The following SRR variants were observed in gnomAD, a reference collection of about 807,000 sequenced individuals.
The protein encoded by SRR is D-serine ammonia-lyase.
In SRR, 19 loss-of-function variants were observed where a neutral mutation model predicts 32.7. The observed-to-expected ratio is 0.58, with a 90% CI of 0.40 to 0.85. The LOEUF (loss-of-function observed/expected upper bound fraction) is 0.85. Ranked by LOEUF, SRR falls within the 40% of genes least tolerant of loss-of-function variation. SRR has a pLI of 0.00. For missense variants in SRR, 373 were observed against 404.7 expected, an observed-to-expected ratio of 0.92 and a Z score of 0.67; for synonymous variants, 142 against 140.9, an observed-to-expected ratio of 1.01 and a Z score of -0.06.
intron 3 of SRR, 107 bp downstream of exon 3, chr17:2,318,103 A>C: frequency 5.5e-6 from 7 of 1,279,706 alleles, no homozygotes; most frequent in Non-Finnish European, 7.4e-6. Context: ...TTCCAAAGAA[A>C]TCTCTATCTG....
upstream of SRR, chr17:2,303,530 G>A: frequency 2.2e-6 from 3 of 1,339,120 alleles, no homozygotes; most frequent in Non-Finnish European, 2.9e-6. Flanking sequence ...GGGGGAAGGG[G>A]CGGGGGCTCC....
chr17:2,320,334 C>T (rs906220268), intron 4 of SRR, among the ~76,000 whole-genome samples: 19 of 143,718 alleles, frequency 1.3e-4, no homozygotes, highest in African/African-American at 3.4e-4. Context: ...CGGCTCACTG[C>T]AACCTCCGCC....
At chr17:2,312,525 G>A (rs562705707) in intron 1 of SRR, among the ~76,000 whole-genome samples, 8 of 152,198 alleles carry the variant, frequency 5.3e-5, no homozygotes, top group Admixed American at 2.0e-4. Flanking sequence ...AACCTGGGAG[G>A]TGGAGGTTGC....
chr17:2,324,676 C>T lies in SRR; in HGVS notation c.*803C>T. The T allele has an allele frequency of 6.2e-7, 1 of 1,614,068 alleles. No individual in the cohort carries two copies. Among genetic ancestry groups the T allele is most frequent in the Admixed American group, 1.7e-5 (1 of 60,022 alleles). On this transcript the variant is annotated 3_prime_UTR_variant, in exon 8 of 8. Coordinates refer to ENST00000344595, the MANE Select transcript of SRR (RefSeq NM_021947.3). ...AAAGGCAATCAGATCCCATCCTCCT[C>T]CTTCATACCCACCTCTGTTGAAGAA...
At position 2,324,278 on chromosome 17, in the gene SRR, G is replaced by C. The variant is rs141644586; in HGVS notation, c.*405G>C. 6.4e-7 allele frequency: 1 copy of C among 1,555,294 alleles called. No homozygotes were observed. The highest frequency in any genetic ancestry group is 1.4e-5 in the African/African-American group (1 of 72,598). On this transcript the variant is annotated 3_prime_UTR_variant, in exon 8 of 8. Coordinates refer to ENST00000344595, the MANE Select transcript of SRR (RefSeq NM_021947.3). Reference sequence around the variant, plus strand: ...TGGTTCTGGTACATATGGATCATAAGTCCATTTGGGGAAGACTCGTTTATA... The same window carrying C: ...TGGTTCTGGTACATATGGATCATAACTCCATTTGGGGAAGACTCGTTTATA...
chr17:2,316,079 G>C (rs2075470454), intron 2 of SRR, among the ~76,000 whole-genome samples: 1 of 152,040 alleles, frequency 6.6e-6, no homozygotes. Flanking sequence ...GGTGGTCCTT[G>C]GTCCCATAAG....
chr17:2,324,335 A>C lies in SRR; in HGVS notation c.*462A>C, dbSNP rs201986401. 3.8e-4 allele frequency: 592 copies of C among 1,564,064 alleles called. No homozygotes were observed. The highest frequency in any genetic ancestry group is 4.5e-4 in the Non-Finnish European group (517 of 1,158,828). ...CATCAGTACTGTGTCTTGAGATTTT[A>C]GCTTCCCATCAAAGCTGCATTTCAT... On this transcript the variant is annotated 3_prime_UTR_variant, in exon 8 of 8. Coordinates refer to ENST00000344595, the MANE Select transcript of SRR (RefSeq NM_021947.3).
intron 4 of SRR, 49 bp downstream of exon 4, chr17:2,318,978 A>G (rs748223026): frequency 1.6e-5 from 21 of 1,322,390 alleles, no homozygotes; most frequent in East Asian, 1.2e-4. Flanking sequence ...CATTTGACCA[A>G]TGGCTCTTTC....
At chr17:2,320,255 T>TC (rs2075515225) in intron 4 of SRR, among the ~76,000 whole-genome samples, 1 of 139,920 alleles carries the variant, frequency 7.1e-6, no homozygotes, top group Admixed American at 7.7e-5. Context: ...TCTCATCTTT[T>TC]TTTTTTTTTT....
chr17:2,310,403 A>G (rs1479779368), intron 1 of SRR, among the ~76,000 whole-genome samples: 1 of 152,006 alleles, frequency 6.6e-6, no homozygotes, highest in African/African-American at 2.4e-5. Context: ...TTTGGTAGAG[A>G]TAGGGTTTCA....
intron 4 of SRR, among the ~76,000 whole-genome samples, chr17:2,320,077 C>CA (rs2075513099): frequency 6.6e-6 from 1 of 151,822 alleles, no homozygotes; most frequent in Admixed American, 6.6e-5. Flanking sequence ...CTCGGCCTCC[C>CA]AAAGTGCTGG....
At chr17:2,318,017 C>T (rs1193836978) in intron 3 of SRR, 21 bp downstream of exon 3, 1 of 1,582,848 alleles carries the variant, frequency 6.3e-7, no homozygotes. Context: ...TCTCAAGGTA[C>T]TGGGTAGATC....
chr17:2,311,358 C>T (rs971458510), intron 1 of SRR, among the ~76,000 whole-genome samples: 2 of 151,762 alleles, frequency 1.3e-5, no homozygotes, highest in Non-Finnish European at 2.9e-5. Flanking sequence ...TTTTCGGGCC[C>T]GTCATGGTGG....
chr17:2,315,240 CAAAA>C (rs397856755), intron 1 of SRR: 49 of 61,302 alleles, frequency 8.0e-4, no homozygotes, highest in Non-Finnish European at 1.1e-3. Context: ...GACTCCGTCT[CAAAA>C]AAAAAAAAAA....
At chr17:2,310,720 A>G (rs544073332) in intron 1 of SRR, among the ~76,000 whole-genome samples, 3 of 151,926 alleles carry the variant, frequency 2.0e-5, no homozygotes, top group Non-Finnish European at 4.4e-5. Context: ...CTGGGACTAC[A>G]GGCAAATGCC....
upstream of SRR, chr17:2,303,654 C>A: frequency 1.3e-6 from 2 of 1,489,686 alleles, no homozygotes; most frequent in South Asian, 2.5e-5. Context: ...GCCTGCGGGG[C>A]CAGAGTAGCC....
Position 2,317,888 on chromosome 17 carries a change from G to C in SRR, c.187G>C (p.Ala63Pro), listed in dbSNP as rs1434892793. The change falls in exon 3 of 8, where the codon GCC (alanine) becomes CCC (proline). Residue 63 changes from alanine to proline, a missense_variant. Transcript: ENST00000344595. ...TTTTCAGATTCGTGGTGCTCTCAAT[G>C]CCGTCAGAAGCTTGGTTCCTGATGC... ...GSFKIRGALNAVRSLVPDALE... is the reference protein window; with the variant it reads ...GSFKIRGALNPVRSLVPDALE... 2 of 1,613,686 alleles carry C rather than the reference G, an allele frequency of 1.2e-6. No homozygotes were observed. Among genetic ancestry groups the C allele is most frequent in the Non-Finnish European group, 1.7e-6 (2 of 1,179,894 alleles).
chr17:2,324,888 T>C lies in SRR; in HGVS notation c.*1015T>C. On this transcript the variant is annotated 3_prime_UTR_variant, in exon 8 of 8. Transcript: ENST00000344595. ...TTTACAGGCCAAAGTCTTCATTTAT[T>C]GCCCAGTCCATTTAAAGACCCATGC... The C allele has an allele frequency of 4.5e-6, 7 of 1,551,434 alleles. 1 individual carries two copies. In the South Asian group the frequency reaches 7.5e-5, roughly 17 times the overall value.
At chr17:2,323,619 C>T in intron 7 of SRR, 36 bp from the exon 8 acceptor site, 1 of 1,602,230 alleles carries the variant, frequency 6.2e-7, no homozygotes. Flanking sequence ...ACTAGACTCC[C>T]CTTTCACTAA....
Sources: allele counts gnomAD v4.1 joint callset (sites outside exome capture counted in the v4.1 genomes callset), GRCh38; gene constraint gnomAD v4.1.1; transcripts MANE v1.5; gene names NCBI Gene and HGNC (gene_info 2026-07-23, HGNC 2026-07-21).